RARS2: variants seen among roughly 807,000 people sequenced by gnomAD.
RARS2 encodes the protein arginyl-tRNA synthetase 2, mitochondrial, also known as probable arginine--tRNA ligase, mitochondrial.
In RARS2, 67 loss-of-function variants were observed where a neutral mutation model predicts 88.5. The ratio of observed to expected loss-of-function variants is 0.76; its 90% confidence interval spans 0.62 to 0.93. The LOEUF is 0.93. Ranked by LOEUF, RARS2 falls within the 40% of genes least tolerant of loss-of-function variation. The pLI, the probability that RARS2 is intolerant of heterozygous loss-of-function variation, is 0.00. For missense variants in RARS2, 664 were observed against 684.2 expected (o/e 0.97, Z 0.33); for synonymous variants, 239 against 230.3 (o/e 1.04, Z -0.34).
chr6:87,564,889 C>A (rs969299107), intron 2 of RARS2, among the ~76,000 whole-genome samples: 2 of 151,692 alleles, frequency 1.3e-5, no homozygotes, highest in African/African-American at 2.4e-5. Flanking sequence ...AAAACCCCAT[C>A]TCTACTAAAA....
chr6:87,554,401 T>A (rs1582633906), intron 5 of RARS2, among the ~76,000 whole-genome samples: 1 of 151,858 alleles, frequency 6.6e-6, no homozygotes, highest in Non-Finnish European at 1.5e-5. Flanking sequence ...TTCTGGTAAT[T>A]AAAAAAATAC....
intron 5 of RARS2, among the ~76,000 whole-genome samples, chr6:87,552,458 T>C (rs116453598): frequency 0.013 from 1,942 of 152,266 alleles, 50 homozygotes; most frequent in African/African-American, 0.043. Flanking sequence ...TGCTAGGAGA[T>C]AGACAGGCTC....
At chr6:87,552,367 G>A (rs1053595016) in intron 5 of RARS2, among the ~76,000 whole-genome samples, 1 of 152,084 alleles carries the variant, frequency 6.6e-6, no homozygotes, top group Non-Finnish European at 1.5e-5. Flanking sequence ...AAGAACTATA[G>A]CACCTGGAAA....
At chr6:87,543,324 A>G (rs934095872) in intron 7 of RARS2, among the ~76,000 whole-genome samples, 2 of 151,434 alleles carry the variant, frequency 1.3e-5, no homozygotes, top group Non-Finnish European at 1.5e-5. Context: ...AAAAACAAAA[A>G]CAAAAACAAA....
rs538671950 is a variant in RARS2, at chr6:87,561,684, G to A, written c.297+1018C>T. ...CTTTTTCTGAACATGAGTGCTCACT[G>A]CTCCAGGATCTGATTTTACTGTGAC... On this transcript the variant is annotated intron_variant, in intron 4 of 19. Coordinates refer to ENST00000369536, the MANE Select transcript of RARS2 (RefSeq NM_020320.5). Among the ~76,000 whole-genome samples, 10 of 152,334 alleles carry A rather than the reference G, an allele frequency of 6.6e-5. No homozygotes were observed. The South Asian group carries it at 2.1e-3, about 32-fold the overall frequency.
chr6:87,522,658 T>C (rs1234933370), intron 11 of RARS2, among the ~76,000 whole-genome samples: 1 of 152,176 alleles, frequency 6.6e-6, no homozygotes, highest in Non-Finnish European at 1.5e-5. Flanking sequence ...AACTGGCTAA[T>C]TTTTGTGTTT....
chr6:87,586,344 T>C (rs1038954353), intron 1 of RARS2, among the ~76,000 whole-genome samples: 56 of 152,230 alleles, frequency 3.7e-4, no homozygotes, highest in Non-Finnish European at 3.7e-4. Context: ...CAGATGTCTG[T>C]GTCTATGCAC....
At chr6:87,550,791 T>C (rs1212357575) in intron 5 of RARS2, among the ~76,000 whole-genome samples, 1 of 114,074 alleles carries the variant, frequency 8.8e-6, no homozygotes, top group African/African-American at 3.4e-5. Context: ...TAAAGGAACA[T>C]AAAATACATT....
At chr6:87,533,072 G>A (rs1778037244) in intron 8 of RARS2, among the ~76,000 whole-genome samples, 2 of 151,802 alleles carry the variant, frequency 1.3e-5, no homozygotes, top group Non-Finnish European at 2.9e-5. Flanking sequence ...CATGCAAAAT[G>A]TCTTTATTTT....
intron 1 of RARS2, among the ~76,000 whole-genome samples, chr6:87,585,491 G>A (rs1490901691): frequency 2.0e-5 from 3 of 152,286 alleles, no homozygotes; most frequent in African/African-American, 4.8e-5. Flanking sequence ...GGCACTTTGG[G>A]AGGCTGAGAT....
At chr6:87,518,121 AT>A in intron 17 of RARS2, 47 bp downstream of exon 17, 1 of 1,613,976 alleles carries the variant, frequency 6.2e-7, no homozygotes, top group Non-Finnish European at 8.5e-7. Flanking sequence ...GCTAATAGCC[AT>A]TTTGATAAGC....
At chr6:87,545,929 C>T (rs1782496923) in intron 6 of RARS2, among the ~76,000 whole-genome samples, 2 of 151,614 alleles carry the variant, frequency 1.3e-5, no homozygotes, top group South Asian at 4.2e-4. Flanking sequence ...TTCACAGTAA[C>T]AGAACTTTCA....
In RARS2 at chr6:87,562,764, TCA is replaced by T. The variant is rs1582712331; in HGVS notation, c.233_234del (p.Val78GlufsTer2). 1 of 1,613,514 alleles carries T rather than the reference TCA, an allele frequency of 6.2e-7. No individual in the cohort carries two copies. Among genetic ancestry groups the T allele is most frequent in the East Asian group, 2.2e-5 (1 of 44,864 alleles). On this transcript the variant is annotated frameshift_variant, in exon 4 of 20. Coordinates refer to ENST00000369536, the MANE Select transcript of RARS2 (RefSeq NM_020320.5). LOFTEE classifies it high-confidence loss of function. ...GTCCTTTGACCAGTACTGATTTCAC[TCA>T]CCACTGTATCACATCTTAGCTGAAA... Reference protein sequence around the residue: ...LAEKLRCDTVVSEISTGQRTV... With the variant: ...LAEKLRCDTVXSEISTGQRTV...
At chr6:87,566,200 G>A (rs1562224274) in intron 2 of RARS2, among the ~76,000 whole-genome samples, 1 of 152,138 alleles carries the variant, frequency 6.6e-6, no homozygotes, top group Non-Finnish European at 1.5e-5. Context: ...CTAGCAACAA[G>A]GGAATGTTAC....
At chr6:87,553,895 T>A (rs1226507029) in intron 5 of RARS2, among the ~76,000 whole-genome samples, 1 of 152,188 alleles carries the variant, frequency 6.6e-6, no homozygotes, top group Non-Finnish European at 1.5e-5. Context: ...CAGTAATTGG[T>A]CCTTATTACA....
chr6:87,577,751 A>G (rs967462883), intron 1 of RARS2, among the ~76,000 whole-genome samples: 3 of 152,240 alleles, frequency 2.0e-5, no homozygotes, highest in African/African-American at 7.2e-5. Flanking sequence ...GTAAAGGTGG[A>G]AGAAAATTAT....
intron 4 of RARS2, among the ~76,000 whole-genome samples, chr6:87,561,021 CTA>C (rs147643257): frequency 2.0e-3 from 303 of 152,240 alleles, no homozygotes; most frequent in African/African-American, 7.0e-3. Flanking sequence ...TTATAAATGA[CTA>C]TGTTAGTGAT....
At chr6:87,535,835 C>A (rs1472008543) in intron 8 of RARS2, among the ~76,000 whole-genome samples, 2 of 151,520 alleles carry the variant, frequency 1.3e-5, no homozygotes, top group Non-Finnish European at 2.9e-5. Context: ...CATCACCATG[C>A]CCAGCTAATT....
At chr6:87,546,846 T>A (rs1011022499) in intron 6 of RARS2, among the ~76,000 whole-genome samples, 2 of 152,228 alleles carry the variant, frequency 1.3e-5, no homozygotes, top group Non-Finnish European at 2.9e-5. Flanking sequence ...GTTGTAGACT[T>A]TCCCAATCTA....
Sources: gnomAD v4.1 joint callset for allele counts (sites outside exome capture counted in the v4.1 genomes callset) on GRCh38, gnomAD v4.1.1 for gene constraint, MANE v1.5 for transcripts, NCBI Gene and HGNC (gene_info 2026-07-23, HGNC 2026-07-21) for gene names.